IYD: variants seen among roughly 807,000 people sequenced by gnomAD.
The protein encoded by IYD is iodotyrosine deiodinase 1.
Under a neutral mutation model 28.4 loss-of-function variants are expected in IYD, and 25 were observed. The observed-to-expected ratio is 0.88, with a 90% CI of 0.64 to 1.23. The LOEUF (loss-of-function observed/expected upper bound fraction) is 1.23, where lower values mean the gene tolerates loss of function less well. Among genes scored for constraint, IYD ranks in the 50% most tolerant of loss-of-function variants. The probability of loss-of-function intolerance (pLI) is 0.00; values close to 1 mark genes in which losing one functional copy is unlikely to be tolerated. For synonymous variants in IYD, 140 were observed against 130.8 expected, an observed-to-expected ratio of 1.07 and a Z score of -0.48; for missense variants, 352 against 357.9, an observed-to-expected ratio of 0.98 and a Z score of 0.13.
chr6:150,379,822 T>C (rs1562312946), intron 1 of IYD, among the ~76,000 whole-genome samples: 1 of 152,166 alleles, frequency 6.6e-6, no homozygotes, highest in Non-Finnish European at 1.5e-5. Context: ...ATTGGGTCCA[T>C]TCATTCCCCC....
rs1438908944 is a variant in IYD at position 150,401,337 on chromosome 6, G to C, written c.*3100G>C. The stretch of plus-strand genomic sequence containing the variant: ...TTGAGGAATGGAAATGAGAATCGGA[G>C]GAGAAATAAGGCCAGAGGCTCACAT... On this transcript the variant is annotated 3_prime_UTR_variant, in exon 5 of 5. Coordinates refer to ENST00000344419, the MANE Select transcript of IYD (RefSeq NM_203395.3). 6.6e-6 allele frequency: 1 copy of C among 152,148 alleles called. No individual in the cohort carries two copies. Among genetic ancestry groups the C allele is most frequent in the Admixed American group, 6.5e-5 (1 of 15,272 alleles). The allele number at this position is 152,148 out of a possible 1,614,324, so 9.4% of individuals were successfully genotyped here.
chr6:150,384,128 T>G (rs1292575761), intron 1 of IYD, among the ~76,000 whole-genome samples: 1 of 152,214 alleles, frequency 6.6e-6, no homozygotes, highest in East Asian at 1.9e-4. Flanking sequence ...TTTGTTATTT[T>G]AGGAAAGTGA....
intron 1 of IYD, among the ~76,000 whole-genome samples, chr6:150,382,435 T>C (rs1207892369): frequency 6.6e-6 from 1 of 152,154 alleles, no homozygotes; most frequent in Admixed American, 6.5e-5. Context: ...ACATGTAGGG[T>C]ATACCTCTAT....
At chr6:150,371,798 C>T (rs1205779184) in intron 1 of IYD, among the ~76,000 whole-genome samples, 2 of 152,142 alleles carry the variant, frequency 1.3e-5, no homozygotes, top group African/African-American at 2.4e-5. Context: ...TAGGGCCTAC[C>T]TCATTGTATT....
chr6:150,371,584 T>C (rs1777243645), intron 1 of IYD, among the ~76,000 whole-genome samples: 1 of 152,232 alleles, frequency 6.6e-6, no homozygotes, highest in South Asian at 2.1e-4. Context: ...AGAGCAGAAC[T>C]GGAGGGCCTT....
rs561135993 is a variant in IYD, at chr6:150,394,144, T to C, written c.576T>C (p.Ile192=). Residue 192 remains isoleucine (I), a synonymous_variant, in exon 4 of 5, where the codon ATT becomes ATC. Transcript: ENST00000344419. ...KEYLDTAPIL[I]LIFKQVHGFA... is the part of the protein sequence containing the mutation. ...ACTTGGATACTGCCCCTATTTTGAT[T>C]CTCATTTTCAAACAAGTACATGGTT... 6.2e-7 allele frequency: 1 copy of C among 1,614,198 alleles called. No homozygotes were observed. The highest frequency in any genetic ancestry group is 8.5e-7 in the Non-Finnish European group (1 of 1,180,020).
rs1224356949 is a variant in IYD, at chr6:150,401,091, T to C, written c.*2854T>C. 6.6e-6 allele frequency: 1 copy of C among 152,246 alleles called. No homozygotes were observed. Among genetic ancestry groups the C allele is most frequent in the African/African-American group, 2.4e-5 (1 of 41,466 alleles). The allele number at this position is 152,246 out of a possible 1,614,324, so 9.4% of individuals were successfully genotyped here. A position where few individuals can be genotyped will look rare whatever the true frequency, so the allele number is the denominator to read the frequency against. ...AGAACTAACATGGTAAAATGTTAGG[T>C]GGAGCATATACAGTTCTCATTATAC... On this transcript the variant is annotated 3_prime_UTR_variant, in exon 5 of 5. Transcript: ENST00000344419.
At chr6:150,394,413 G>A (rs1778236997) in intron 4 of IYD, among the ~76,000 whole-genome samples, 158 bp downstream of exon 4, 1 of 152,194 alleles carries the variant, frequency 6.6e-6, no homozygotes, top group African/African-American at 2.4e-5. Context: ...CTGGATTGGT[G>A]ACTATGATGG....
rs1264415822 is a variant in IYD, at chr6:150,403,738, A to C, written c.*5501A>C. ...TTCCTAAAAAGTCATGAGGCAGGGG[A>C]TTGGTTTATGTTATTATCATGACCT... is the stretch of plus-strand genomic sequence containing the variant. On this transcript the variant is annotated 3_prime_UTR_variant, in exon 5 of 5. Coordinates refer to ENST00000344419, the MANE Select transcript of IYD (RefSeq NM_203395.3). 14 of 152,240 alleles carry C rather than the reference A, an allele frequency of 9.2e-5. No homozygotes were observed. Among genetic ancestry groups the C allele is most frequent in the Admixed American group, 9.2e-4 (14 of 15,282 alleles). The allele number at this position is 152,240 out of a possible 1,614,324, so 9.4% of individuals were successfully genotyped here. A position where few individuals can be genotyped will look rare whatever the true frequency, so the allele number is the denominator to read the frequency against.
chr6:150,394,539 G>A (rs1778240521), intron 4 of IYD, among the ~76,000 whole-genome samples: 2 of 152,188 alleles, frequency 1.3e-5, no homozygotes, highest in African/African-American at 4.8e-5. Context: ...CCCACATGAA[G>A]TACTTTGGAG....
intron 1 of IYD, among the ~76,000 whole-genome samples, chr6:150,382,828 C>CT (rs34814561): frequency 8.5e-5 from 13 of 152,064 alleles, no homozygotes; most frequent in Admixed American, 3.9e-4. Context: ...TTTGCTGTCA[C>CT]TTTTTTCTGC....
chr6:150,390,387 A>G (rs1458849593), intron 2 of IYD, among the ~76,000 whole-genome samples: 1 of 152,244 alleles, frequency 6.6e-6, no homozygotes, highest in Admixed American at 6.5e-5. Context: ...CTGTTAAGGT[A>G]AATTTGACAC....
At chr6:150,394,392 ACT>A in intron 4 of IYD, 137 bp downstream of exon 4, 1 of 883,912 alleles carries the variant, frequency 1.1e-6, no homozygotes, top group South Asian at 1.4e-5. Flanking sequence ...GTGAAAACTG[ACT>A]CTGGAAACCT....
intron 1 of IYD, among the ~76,000 whole-genome samples, chr6:150,381,504 G>A (rs903689010): frequency 1.3e-5 from 2 of 152,190 alleles, no homozygotes; most frequent in African/African-American, 2.4e-5. Context: ...ATAAAACACA[G>A]ATGAACAGCT....
At position 150,399,213 on chromosome 6, in the gene IYD, G is replaced by A. The variant is rs1215751953; in HGVS notation, c.*976G>A. On this transcript the variant is annotated 3_prime_UTR_variant, in exon 5 of 5. Transcript: ENST00000344419. ...AAGCTGCTCAATACTCAAGAATCTT[G>A]CAAGACAGTTATTAAACATTCATAG... is the stretch of plus-strand genomic sequence containing the variant. 1 of 152,196 alleles carries A rather than the reference G, an allele frequency of 6.6e-6. No homozygotes were observed. Among genetic ancestry groups the A allele is most frequent in the Non-Finnish European group, 1.5e-5 (1 of 68,038 alleles). 9.4% of individuals were successfully genotyped at this position (152,196 alleles called of 1,614,324 possible).
At position 150,398,213 on chromosome 6, in the gene IYD, G is replaced by C; in HGVS notation, c.846G>C (p.Leu282=). The change falls in exon 5 of 5, where the codon CTG becomes CTC. Residue 282 remains leucine, a synonymous_variant. Coordinates refer to ENST00000344419, the MANE Select transcript of IYD (RefSeq NM_203395.3). ...ATVPDLKRKP[L]DQIMVTV ...TGCCTGACCTCAAGCGCAAACCTCT[G>C]GACCAGATCATGGTGACAGTGTAGG... 2 of 1,614,108 alleles carry C rather than the reference G, an allele frequency of 1.2e-6. No individual in the cohort carries two copies. The highest frequency in any genetic ancestry group is 1.7e-6 in the Non-Finnish European group (2 of 1,180,020).
Position 150,403,112 on chromosome 6 carries a change from G to C in IYD, c.*4875G>C, listed in dbSNP as rs1778556491. 1 of 152,186 alleles carries C rather than the reference G, an allele frequency of 6.6e-6. No individual in the cohort carries two copies. The highest frequency in any genetic ancestry group is 6.5e-5 in the Admixed American group (1 of 15,288). The allele number at this position is 152,186 out of a possible 1,614,324, so 9.4% of individuals were successfully genotyped here. A position where few individuals can be genotyped will look rare whatever the true frequency, so the allele number is the denominator to read the frequency against. ...CAGGCTAGTTTTTCTAAATATTGGA[G>C]TTCCCAAAGAGTATTCAAACTGATG... On this transcript the variant is annotated 3_prime_UTR_variant, in exon 5 of 5. Coordinates refer to ENST00000344419, the MANE Select transcript of IYD (RefSeq NM_203395.3).
At position 150,401,223 on chromosome 6, in the gene IYD, G is replaced by A. The variant is rs1360012337; in HGVS notation, c.*2986G>A. On this transcript the variant is annotated 3_prime_UTR_variant, in exon 5 of 5. Transcript: ENST00000344419. ...TAATTTGCCTAAAAATGCCCTCTAA[G>A]TCCATCATTAGGTTAAGCGATTTAC... The A allele has an allele frequency of 6.6e-6, 1 of 152,114 alleles. No homozygotes were observed. The highest frequency in any genetic ancestry group is 2.4e-5 in the African/African-American group (1 of 41,402). The allele number at this position is 152,114 out of a possible 1,614,324, so 9.4% of individuals were successfully genotyped here. A position where few individuals can be genotyped will look rare whatever the true frequency, so the allele number is the denominator to read the frequency against.
rs1778403453 is a variant in IYD, at chr6:150,398,319, G to A, written c.*82G>A. ...CTCGCCTGCTCCTCTTGGGTCTCTT[G>A]GCTGCTCTTTCTCCAGGTGTCAGGT... On this transcript the variant is annotated 3_prime_UTR_variant, in exon 5 of 5. Coordinates refer to ENST00000344419, the MANE Select transcript of IYD (RefSeq NM_203395.3). 1 of 1,397,712 alleles carries A rather than the reference G, an allele frequency of 7.2e-7. No individual in the cohort carries two copies. Among genetic ancestry groups the A allele is most frequent in the African/African-American group, 1.4e-5 (1 of 69,628 alleles). 86.6% of individuals were successfully genotyped at this position (1,397,712 alleles called of 1,614,324 possible). A position where few individuals can be genotyped will look rare whatever the true frequency, so the allele number is the denominator to read the frequency against.
Sources: allele counts gnomAD v4.1 joint callset (sites outside exome capture counted in the v4.1 genomes callset), GRCh38; gene constraint gnomAD v4.1.1; transcripts MANE v1.5; gene names NCBI Gene and HGNC (gene_info 2026-07-23, HGNC 2026-07-21).